Variants in STK3 observed in about 807,000 individuals in gnomAD.
STK3 encodes serine/threonine-protein kinase 3.
A neutral mutation model predicts 58.0 loss-of-function variants in STK3; 41 were observed. The ratio of observed to expected loss-of-function variants is 0.71; its 90% CI spans 0.55 to 0.92. The LOEUF (loss-of-function observed/expected upper bound fraction) is 0.92. STK3 is among the 40% of genes least tolerant of loss of function. STK3 has a pLI of 0.00. For missense variants in STK3, 479 were observed against 602.7 expected (o/e 0.79, Z 2.15); for synonymous variants, 170 against 191.0 (o/e 0.89, Z 0.91).
chr8:98,904,646 C>T (rs1007738570), intron 1 of STK3: 5 of 626,800 alleles, frequency 8.0e-6, no homozygotes, highest in Admixed American at 1.9e-5. Flanking sequence ...CCGTTCATAC[C>T]GGGCCATGTC....
At chr8:98,389,237 C>T (rs573807428), upstream of STK3, among the ~76,000 whole-genome samples, 3 of 152,160 alleles carry the variant, frequency 2.0e-5, no homozygotes, top group African/African-American at 7.2e-5. Flanking sequence ...ATCACTTCAG[C>T]CCACAGCAAT....
intron 1 of STK3, among the ~76,000 whole-genome samples, chr8:98,807,527 G>A (rs1349729333): frequency 1.3e-5 from 2 of 152,082 alleles, no homozygotes; most frequent in Non-Finnish European, 2.9e-5. Context: ...CAAAGTACTG[G>A]GATTACAGGT....
At chr8:98,774,855 C>A (rs747623914) in intron 1 of STK3, 36 bp from the exon 2 acceptor site, 5 of 1,427,424 alleles carry the variant, frequency 3.5e-6, no homozygotes, top group Non-Finnish European at 4.7e-6. Context: ...AAAATATTTT[C>A]TTTAAAGACC....
chr8:98,590,277 A>G (rs1329104060), intron 7 of STK3, among the ~76,000 whole-genome samples: 1 of 152,098 alleles, frequency 6.6e-6, no homozygotes, highest in Non-Finnish European at 1.5e-5. Flanking sequence ...CTCTTCTTGG[A>G]ATATAAATTT....
At chr8:98,785,680 C>T (rs2131552267) in intron 1 of STK3, among the ~76,000 whole-genome samples, 1 of 152,306 alleles carries the variant, frequency 6.6e-6, no homozygotes, top group East Asian at 1.9e-4. Context: ...ACACTGGCAA[C>T]ACCTGGCTCT....
rs139315871 is a variant in STK3 at position 98,449,519 on chromosome 8, G to A, written n.186-12311C>T. The stretch of plus-strand genomic sequence containing the variant: ...GTTCATATTTGTAAGGACCAAGAAC[G>A]ATGAAACTTCAGTGAACCAAAACTT... On this transcript the variant is annotated intron_variant and non_coding_transcript_variant, in intron 1 of 3. Transcript: ENST00000517832. Among the ~76,000 whole-genome samples, 8 of 152,230 alleles carry A rather than the reference G, an allele frequency of 5.3e-5. No homozygotes were observed. The East Asian group carries it at 1.5e-3, about 29-fold the overall frequency.
intron 2 of STK3, among the ~76,000 whole-genome samples, chr8:98,372,449 G>T (rs769857210): frequency 1.3e-5 from 2 of 152,094 alleles, no homozygotes; most frequent in Non-Finnish European, 2.9e-5. Context: ...GTGAGACGAC[G>T]CAGACTTCAG....
chr8:98,582,220 A>G (rs1813967276), intron 7 of STK3, among the ~76,000 whole-genome samples: 1 of 152,078 alleles, frequency 6.6e-6, no homozygotes, highest in Non-Finnish European at 1.5e-5. Context: ...TTTTAGACAC[A>G]TTTAGAAATA....
chr8:98,700,965 T>C (rs986023528), intron 6 of STK3, among the ~76,000 whole-genome samples: 1 of 152,152 alleles, frequency 6.6e-6, no homozygotes, highest in Admixed American at 6.5e-5. Flanking sequence ...ATGGCGCCAC[T>C]GCACTCCAGC....
At position 98,428,373 on chromosome 8, in the gene STK3, C is replaced by A. The variant is rs1024200511; in HGVS notation, n.483+5754G>T. On this transcript the variant is annotated intron_variant and non_coding_transcript_variant, in intron 3 of 3. Transcript: ENST00000517832. The surrounding 1 kb of genome is among the most constrained non-coding windows in gnomAD (Gnocchi z 6.7). ...CCATGGCCGCAAAGTAGAGCCCGAG[C>A]AGGAGAAGTGGGACGAGCAGAGTGA... The A allele has an allele frequency of 1.9e-6, 3 of 1,614,062 alleles. No individual in the cohort carries two copies. Among genetic ancestry groups the A allele is most frequent in the African/African-American group, 2.7e-5 (2 of 74,926 alleles).
At chr8:98,928,718 A>G (rs2132031454) in intron 1 of STK3, among the ~76,000 whole-genome samples, 1 of 152,290 alleles carries the variant, frequency 6.6e-6, no homozygotes. Context: ...ATTCTACAAT[A>G]CTGGTATTAC....
Position 98,608,240 on chromosome 8 carries a change from TA to T in STK3, c.685-12072del, listed in dbSNP as rs529214454. Among the ~76,000 whole-genome samples, 1,072 of 147,054 alleles carry T rather than the reference TA, an allele frequency of 7.3e-3. 4 individuals carry two copies. The highest frequency in any genetic ancestry group is 9.0e-3 in the African/African-American group (362 of 40,286). ...AATAATGTGTTACAACACTCACAAATAAAAAAAAAAATTCAACCATCTTCTA... is the reference window on the plus strand; with the variant it reads ...AATAATGTGTTACAACACTCACAAATAAAAAAAAAATTCAACCATCTTCTA... On this transcript the variant is annotated intron_variant, in intron 6 of 10. Coordinates refer to ENST00000419617, the MANE Select transcript of STK3 (RefSeq NM_006281.4).
intron 3 of STK3, among the ~76,000 whole-genome samples, chr8:98,404,679 CAAA>C (rs35146514): frequency 7.3e-5 from 7 of 95,282 alleles, no homozygotes; most frequent in African/African-American, 2.7e-4. Flanking sequence ...GTCTCTGTCT[CAAA>C]AAAAAAAAAA....
chr8:98,631,659 C>CA (rs1819250749), intron 6 of STK3, among the ~76,000 whole-genome samples: 2 of 137,312 alleles, frequency 1.5e-5, no homozygotes, highest in African/African-American at 5.2e-5. Flanking sequence ...CTATAGTTTT[C>CA]GTTTTTTTGT....
In STK3 at chr8:98,632,597, C is replaced by T. The variant is rs554282596; in HGVS notation, c.685-36428G>A. 7.9e-5 allele frequency among the ~76,000 whole-genome samples: 12 copies of T among 152,170 alleles called. No homozygotes were observed. The South Asian group carries it at 2.3e-3, about 29-fold the overall frequency. ...TTTAACAGATTCTATTGGACATATG[C>T]CATACTATAGTCAGTAAAGTTCAAC... On this transcript the variant is annotated intron_variant, in intron 6 of 10. Coordinates refer to ENST00000419617, the MANE Select transcript of STK3 (RefSeq NM_006281.4).
chr8:98,430,256 G>T (rs1818308961), intron 3 of STK3: 1 of 167,070 alleles, frequency 6.0e-6, no homozygotes, highest in South Asian at 2.1e-4. Context: ...GTTTCCTAGG[G>T]TGACTGTAGA....
At chr8:98,843,538 A>G (rs1836076105) in intron 3 of STK3, among the ~76,000 whole-genome samples, 1 of 152,230 alleles carries the variant, frequency 6.6e-6, no homozygotes, top group African/African-American at 2.4e-5. Flanking sequence ...AAACTGCCCC[A>G]AAGGAGAAAA....
upstream of STK3, among the ~76,000 whole-genome samples, chr8:98,826,628 G>A (rs944900480): frequency 6.6e-6 from 1 of 152,182 alleles, no homozygotes; most frequent in Non-Finnish European, 1.5e-5. Context: ...TCTGACCACT[G>A]CATGCATCCA....
chr8:98,457,052 C>T (rs1819545613), intron 10 of STK3, among the ~76,000 whole-genome samples: 1 of 152,172 alleles, frequency 6.6e-6, no homozygotes, highest in South Asian at 2.1e-4. Context: ...AGTATGCAGG[C>T]TTCCATGATG....
Sources: allele counts gnomAD v4.1 joint callset (sites outside exome capture counted in the v4.1 genomes callset), GRCh38; gene constraint gnomAD v4.1.1; non-coding constraint Gnocchi (gnomAD v3.1); transcripts MANE v1.5; gene names NCBI Gene and HGNC (gene_info 2026-07-23, HGNC 2026-07-21).